The following CLPTM1 variants were observed in gnomAD, a reference collection of about 807,000 sequenced individuals.
CLPTM1 encodes the protein CLPTM1 regulator of GABA type A receptor forward trafficking.
In CLPTM1, 21 loss-of-function variants were observed where a neutral mutation model predicts 77.3. That is an observed-to-expected ratio of 0.27 (90% CI 0.19 to 0.39). The LOEUF is 0.39. CLPTM1 is among the 10% of genes least tolerant of loss of function. The pLI is 1.00. For synonymous variants in CLPTM1, 373 were observed against 381.0 expected (o/e 0.98, Z 0.24); for missense variants, 642 against 921.2 (o/e 0.70, Z 3.92).
chr19:44,967,896 C>G (rs183171944), intron 2 of CLPTM1, among the ~76,000 whole-genome samples: 1 of 152,308 alleles, frequency 6.6e-6, no homozygotes, highest in Non-Finnish European at 1.5e-5. Context: ...TCCACTTCAC[C>G]TCCCCTCCCC....
At chr19:44,955,517 C>T (rs902509130) in intron 1 of CLPTM1, 50 bp downstream of exon 1, 2 of 1,260,050 alleles carry the variant, frequency 1.6e-6, no homozygotes, top group Non-Finnish European at 2.0e-6. Context: ...GCCGGGGGGC[C>T]TCCCACGGGG....
rs1600001141 is a variant in CLPTM1 at position 44,955,441 on chromosome 19, G to A, written c.46G>A (p.Ala16Thr). 2 of 1,333,466 alleles carry A rather than the reference G, an allele frequency of 1.5e-6. No homozygotes were observed. The highest frequency in any genetic ancestry group is 2.3e-5 in the South Asian group (1 of 43,574). The allele number at this position is 1,333,466 out of a possible 1,614,324, so 82.6% of individuals were successfully genotyped here. ...GGACGGGGCCCGCAGCGCCGTGGTG[G>A]CGGCCGGGGGAGGCAGCTCCGGTCA... ...EADGARSAVV[A>T]AGGGSSGQVT... is the part of the protein sequence containing the mutation. Residue 16 changes from alanine (A) to threonine (T), a missense_variant, in exon 1 of 14, where the codon GCG becomes ACG. Ala to Thr is a moderately conservative substitution (Grantham distance 58). This residue lies in a region of CLPTM1 where 121 missense variants were observed against 120.8 expected (regional missense o/e 1.00). Transcript: ENST00000337392.
At chr19:44,983,648 AAAG>A (rs1166077730) in intron 5 of CLPTM1, among the ~76,000 whole-genome samples, 1 of 148,192 alleles carries the variant, frequency 6.7e-6, no homozygotes, top group African/African-American at 2.5e-5. Context: ...AAAAAAAAGA[AAAG>A]AAAAAAGAAA....
chr19:44,985,448 C>T (rs1970962950), intron 6 of CLPTM1, 145 bp downstream of exon 6: 4 of 626,042 alleles, frequency 6.4e-6, no homozygotes, highest in Non-Finnish European at 1.2e-5. Context: ...GAGCACTGGG[C>T]TCCTCCTCTG....
chr19:44,955,799 C>G, intron 1 of CLPTM1: 1 of 277,298 alleles, frequency 3.6e-6, no homozygotes, highest in Non-Finnish European at 6.7e-6. Flanking sequence ...TGAGGCCGTT[C>G]CTAGAGTGGT....
Position 44,990,863 on chromosome 19 carries a change from A to C in CLPTM1, c.1337A>C (p.His446Pro). 1 of 1,613,888 alleles carries C rather than the reference A, an allele frequency of 6.2e-7. No individual in the cohort carries two copies. Among genetic ancestry groups the C allele is most frequent in the Non-Finnish European group, 8.5e-7 (1 of 1,179,852 alleles). ...CCTCATCCACAGCTGGACCGAGAGCACAGGGTGGCAGGAATCTTCCCCCGC... is the reference window on the plus strand; with the variant it reads ...CCTCATCCACAGCTGGACCGAGAGCCCAGGGTGGCAGGAATCTTCCCCCGC... ...KVMDVRLDRE[H>P]RVAGIFPRLS... Residue 446 changes from histidine to proline, a missense_variant, in exon 11 of 14, where the codon CAC becomes CCC. Coordinates refer to ENST00000337392, the MANE Select transcript of CLPTM1 (RefSeq NM_001294.4). The surrounding 1 kb of genome is among the most constrained non-coding windows in gnomAD (Gnocchi z 4.8).
At chr19:44,979,538 G>A (rs1970860590) in intron 5 of CLPTM1, among the ~76,000 whole-genome samples, 2 of 152,142 alleles carry the variant, frequency 1.3e-5, no homozygotes, top group African/African-American at 4.8e-5. Context: ...CTATTTGTAT[G>A]AGTTAGGTCT....
intron 2 of CLPTM1, among the ~76,000 whole-genome samples, chr19:44,972,311 G>A (rs1292342976): frequency 1.3e-5 from 2 of 149,966 alleles, no homozygotes; most frequent in African/African-American, 2.5e-5. Flanking sequence ...GCAGTGGCGC[G>A]ATCTTGGCTC....
chr19:44,970,333 T>C (rs559981161), intron 2 of CLPTM1, among the ~76,000 whole-genome samples: 1 of 146,460 alleles, frequency 6.8e-6, no homozygotes, highest in Non-Finnish European at 1.5e-5. Flanking sequence ...TTGCACCTTG[T>C]GGGGTCTTAG....
rs576838814 is a variant in CLPTM1, at chr19:44,990,192, G to C, written c.1133-203G>C. The C allele has an allele frequency of 1.4e-5, 8 of 588,232 alleles. No individual in the cohort carries two copies. In the East Asian group the frequency reaches 2.2e-4, roughly 16 times the overall value. 36.4% of individuals were successfully genotyped at this position (588,232 alleles called of 1,614,324 possible). A position where few individuals can be genotyped will look rare whatever the true frequency, so the allele number is the denominator to read the frequency against. ...CTGACGTCCTATGGGAGGGCTCCAG[G>C]GGTGCCGCCTGTCTGGTGCTCTGGG... On this transcript the variant is annotated intron_variant, in intron 9 of 13. Transcript: ENST00000337392. This position sits in a 1 kb window ranked among gnomAD's most constrained non-coding sequence, Gnocchi z 4.8.
In CLPTM1 at chr19:44,974,615, T is replaced by C; in HGVS notation, c.468+18T>C. On this transcript the variant is annotated intron_variant, in intron 4 of 13. Coordinates refer to ENST00000337392, the MANE Select transcript of CLPTM1 (RefSeq NM_001294.4). ...TCCCACAGGTGGGGGCAGCTCTCGG[T>C]TTCTGGCCCCATGGCTGCTTGACTG... 1 of 1,607,624 alleles carries C rather than the reference T, an allele frequency of 6.2e-7. No homozygotes were observed. Among genetic ancestry groups the C allele is most frequent in the Non-Finnish European group, 8.5e-7 (1 of 1,176,598 alleles).
At chr19:44,984,277 G>C (rs1341723294) in intron 5 of CLPTM1, 1 of 152,292 alleles carries the variant, frequency 6.6e-6, no homozygotes, top group African/African-American at 2.4e-5. Flanking sequence ...AACAGGCCCT[G>C]CCCCTACCCG....
chr19:44,972,957 A>G, intron 2 of CLPTM1, 130 bp from the exon 3 acceptor site: 7 of 1,289,768 alleles, frequency 5.4e-6, no homozygotes, highest in Non-Finnish European at 7.6e-6. Flanking sequence ...CTACCTTCTC[A>G]GGGCCTCCCT....
chr19:44,964,310 T>TTTTTTTTTTC, intron 2 of CLPTM1, among the ~76,000 whole-genome samples: 3 of 125,222 alleles, frequency 2.4e-5, no homozygotes, highest in Non-Finnish European at 5.1e-5. Context: ...TTTTTTTTTT[T>TTTTTTTTTTC]TTTTTTTTTT....
intron 3 of CLPTM1, 41 bp downstream of exon 3, chr19:44,973,251 G>C (rs149909400): frequency 9.3e-6 from 15 of 1,613,082 alleles, no homozygotes; most frequent in Non-Finnish European, 1.2e-5. Flanking sequence ...AGGTGATGGG[G>C]TGTGGAGGGG....
chr19:44,981,974 C>T (rs1970904374), intron 5 of CLPTM1, among the ~76,000 whole-genome samples: 1 of 152,038 alleles, frequency 6.6e-6, no homozygotes, highest in Non-Finnish European at 1.5e-5. Context: ...TTGAGCTCAA[C>T]ATATTCTCGT....
chr19:44,954,801 A>AC, upstream of CLPTM1: 2 of 1,278,110 alleles, frequency 1.6e-6, no homozygotes, highest in South Asian at 3.2e-5. Flanking sequence ...TGGCCGTAAG[A>AC]CCCCTGGAAT....
intron 5 of CLPTM1, among the ~76,000 whole-genome samples, chr19:44,983,758 T>C (rs1469601054): frequency 2.0e-5 from 3 of 150,822 alleles, no homozygotes; most frequent in Non-Finnish European, 4.4e-5. Flanking sequence ...ATCAGGAGAT[T>C]GAGACAATCC....
chr19:44,969,810 A>C (rs1807542), intron 2 of CLPTM1, among the ~76,000 whole-genome samples: 138,367 of 151,596 alleles, frequency 0.91, 63,259 homozygotes, highest in Non-Finnish European at 0.95. Context: ...GCCTCCGCCT[A>C]CCAAGTAGCT....
Sources: gnomAD v4.1 joint callset for allele counts (sites outside exome capture counted in the v4.1 genomes callset) on GRCh38, gnomAD v4.1.1 for gene constraint, gnomAD v4.1.1 regional missense constraint, Gnocchi (gnomAD v3.1) non-coding constraint, MANE v1.5 for transcripts, NCBI Gene and HGNC (gene_info 2026-07-23, HGNC 2026-07-21) for gene names.